Variants in MRPS17 observed in about 807,000 individuals in gnomAD.
MRPS17 encodes mitochondrial ribosomal protein S17.
Under a neutral mutation model 11.3 loss-of-function variants are expected in MRPS17, and 6 were observed. That is an observed-to-expected ratio of 0.53 (90% CI 0.29 to 1.05). The LOEUF (loss-of-function observed/expected upper bound fraction) is 1.05, where lower values mean the gene tolerates loss of function less well. Ranked by LOEUF, MRPS17 falls within the 50% of genes least tolerant of loss-of-function variation. The pLI is 0.08. For synonymous variants in MRPS17, 56 were observed against 60.4 expected, an observed-to-expected ratio of 0.93 and a Z score of 0.34; for missense variants, 139 against 153.6, an observed-to-expected ratio of 0.90 and a Z score of 0.50.
chr7:55,952,580 C>G (rs985199973), intron 1 of MRPS17, among the ~76,000 whole-genome samples: 18 of 151,296 alleles, frequency 1.2e-4, no homozygotes, highest in Non-Finnish European at 2.4e-4. Context: ...ACTAAAAATA[C>G]AAAAATTAGC....
At position 55,955,095 on chromosome 7, in the gene MRPS17, A is replaced by G. The variant is rs1417697497; in HGVS notation, c.310A>G (p.Thr104Ala). 9 of 1,614,090 alleles carry G rather than the reference A, an allele frequency of 5.6e-6. No individual in the cohort carries two copies. The highest frequency in any genetic ancestry group is 2.7e-5 in the African/African-American group (2 of 74,930). ...GACAGGAAAGCCCTGTGCTGGAACT[A>G]CCTACCTGGAGAGTCCGTTGAGTTC... ...PVTGKPCAGTTYLESPLSSET... is the reference protein window; with the variant it reads ...PVTGKPCAGTAYLESPLSSET... Residue 104 changes from threonine to alanine, a missense_variant, in exon 3 of 3, where the codon ACC (threonine) becomes GCC (alanine). By Grantham distance (58) the Thr-to-Ala change is moderately conservative (BLOSUM62 0). Transcript: ENST00000285298.
At chr7:55,953,345 G>A in intron 2 of MRPS17, 27 bp downstream of exon 2, 1 of 1,611,406 alleles carries the variant, frequency 6.2e-7, no homozygotes, top group Non-Finnish European at 8.5e-7. Flanking sequence ...TTTCCGGGTG[G>A]CTTTGGTAAA....
intron 1 of MRPS17, 85 bp from the exon 2 acceptor site, chr7:55,953,094 C>G: frequency 1.4e-6 from 2 of 1,448,276 alleles, no homozygotes; most frequent in Non-Finnish European, 1.9e-6. Flanking sequence ...AAAACTGTTT[C>G]TGGACTAACC....
At position 55,955,192 on chromosome 7, in the gene MRPS17, G is replaced by A. The variant is rs1786710060; in HGVS notation, c.*14G>A. ...TCAGCACAGTGAAGCGGGAGTGGAA[G>A]AAGGATCTAAAGGGAAAAACTGACA... On this transcript the variant is annotated 3_prime_UTR_variant, in exon 3 of 3. Transcript: ENST00000285298. The A allele has an allele frequency of 6.2e-7, 1 of 1,607,186 alleles. No homozygotes were observed. The highest frequency in any genetic ancestry group is 8.5e-7 in the Non-Finnish European group (1 of 1,175,674).
chr7:55,954,687 C>T (rs756227189), intron 2 of MRPS17, among the ~76,000 whole-genome samples: 6 of 152,126 alleles, frequency 3.9e-5, no homozygotes, highest in Non-Finnish European at 7.4e-5. Flanking sequence ...GAGCTGAGAT[C>T]GTGCCATTGC....
chr7:55,954,932 C>A lies in MRPS17; in HGVS notation c.147C>A (p.Tyr49Ter), dbSNP rs1273549493. ...AGTATTTTAATAAGCGGAAAACCTA[C>A]TTTGCTCACGATGCCCTTCAGCAGT... Reference protein sequence around the residue: ...LLKYFNKRKTYFAHDALQQCT... With the variant: ...LLKYFNKRKT Residue 49 changes from tyrosine to a stop codon, truncating the protein, a stop_gained, in exon 3 of 3, where the codon TAC becomes TAA. Coordinates refer to ENST00000285298, the MANE Select transcript of MRPS17 (RefSeq NM_015969.3). LOFTEE classifies it high-confidence loss of function. 2 of 1,613,968 alleles carry A rather than the reference C, an allele frequency of 1.2e-6. No individual in the cohort carries two copies. Among genetic ancestry groups the A allele is most frequent in the South Asian group, 2.2e-5 (2 of 91,056 alleles).
Position 55,955,172 on chromosome 7 carries a change from A to G in MRPS17, c.387A>G (p.Ala129=). Residue 129 remains alanine, a synonymous_variant, in exon 3 of 3, where the codon GCA becomes GCG. Coordinates refer to ENST00000285298, the MANE Select transcript of MRPS17 (RefSeq NM_015969.3). ...KNLEELNISS[A]Q is the part of the protein sequence containing the mutation. ...TGGAAGAACTCAATATCTCTTCAGCACAGTGAAGCGGGAGTGGAAGAAGGA... is the reference window on the plus strand; with the variant it reads ...TGGAAGAACTCAATATCTCTTCAGCGCAGTGAAGCGGGAGTGGAAGAAGGA... 6.2e-7 allele frequency: 1 copy of G among 1,612,722 alleles called. No individual in the cohort carries two copies. The highest frequency in any genetic ancestry group is 2.2e-5 in the East Asian group (1 of 44,842).
intron 1 of MRPS17, 29 bp from the exon 2 acceptor site, chr7:55,953,150 A>G: frequency 3.7e-6 from 6 of 1,612,580 alleles, no homozygotes; most frequent in Non-Finnish European, 5.1e-6. Context: ...TAACCACCAG[A>G]ATATGAGACT....
chr7:55,952,573 A>G (rs1474933109), intron 1 of MRPS17, among the ~76,000 whole-genome samples: 1 of 151,822 alleles, frequency 6.6e-6, no homozygotes, highest in Non-Finnish European at 1.5e-5. Context: ...TGTCTTTACT[A>G]AAAATACAAA....
intron 2 of MRPS17, among the ~76,000 whole-genome samples, chr7:55,953,686 G>A (rs952023057): frequency 6.6e-6 from 1 of 152,192 alleles, no homozygotes; most frequent in Non-Finnish European, 1.5e-5. Flanking sequence ...GCTGGGCATA[G>A]TGGTGCGCAC....
At chr7:55,952,987 G>A (rs1367532102) in intron 1 of MRPS17, among the ~76,000 whole-genome samples, 192 bp from the exon 2 acceptor site, 1 of 151,956 alleles carries the variant, frequency 6.6e-6, no homozygotes, top group Non-Finnish European at 1.5e-5. Flanking sequence ...AGCCAAGATC[G>A]CACCACCGCA....
At position 55,953,338 on chromosome 7, in the gene MRPS17, C is replaced by A. The variant is rs775859671; in HGVS notation, c.123+20C>A. On this transcript the variant is annotated intron_variant, in intron 2 of 2. Transcript: ENST00000285298. ...TTAAAGGTGAGAAACATTCTTGTTT[C>A]CGGGTGGCTTTGGTAAATCACCACC... 2.7e-5 allele frequency: 43 copies of A among 1,611,792 alleles called. No individual in the cohort carries two copies. Among genetic ancestry groups the A allele is most frequent in the Non-Finnish European group, 3.5e-5 (41 of 1,179,512 alleles).
chr7:55,954,544 AT>A (rs1185133553), intron 2 of MRPS17, among the ~76,000 whole-genome samples: 3 of 152,188 alleles, frequency 2.0e-5, no homozygotes, highest in African/African-American at 7.2e-5. Context: ...CCTGGCCAAC[AT>A]GGTGAAACCC....
In MRPS17 at chr7:55,955,268, T is replaced by A; in HGVS notation, c.*90T>A. On this transcript the variant is annotated 3_prime_UTR_variant, in exon 3 of 3. Transcript: ENST00000285298. ...TTTCTAAGTTTCATCACAAACTGTG[T>A]CCAGTTTCTCTGTGGTGTTTATGAA... 6.8e-7 allele frequency: 1 copy of A among 1,463,876 alleles called. No homozygotes were observed. The highest frequency in any genetic ancestry group is 9.2e-7 in the Non-Finnish European group (1 of 1,084,628). 90.7% of individuals were successfully genotyped at this position (1,463,876 alleles called of 1,614,324 possible).
At chr7:55,954,793 T>A (rs777807528) in intron 2 of MRPS17, 116 bp from the exon 3 acceptor site, 24 of 1,272,070 alleles carry the variant, frequency 1.9e-5, no homozygotes, top group Non-Finnish European at 2.6e-5. Flanking sequence ...CTCCTTAGTA[T>A]CTTATCTTTT....
In MRPS17 at chr7:55,954,945, G is replaced by A. The variant is rs775841041; in HGVS notation, c.160G>A (p.Ala54Thr). Residue 54 changes from alanine to threonine, a missense_variant, in exon 3 of 3, where the codon GCC becomes ACC. By Grantham distance (58) the Ala-to-Thr change is moderately conservative. Transcript: ENST00000285298. ...NKRKTYFAHD[A>T]LQQCTVGDIV... is the part of the protein sequence containing the mutation. ...GCGGAAAACCTACTTTGCTCACGAT[G>A]CCCTTCAGCAGTGCACAGTTGGGGA... The A allele has an allele frequency of 3.1e-6, 5 of 1,614,086 alleles. No homozygotes were observed. The South Asian group carries it at 5.5e-5, about 18-fold the overall frequency.
intron 1 of MRPS17, among the ~76,000 whole-genome samples, chr7:55,952,443 G>C (rs1407249592): frequency 6.6e-6 from 1 of 152,192 alleles, no homozygotes; most frequent in African/African-American, 2.4e-5. Context: ...CTCTGAAATG[G>C]TGATTCAAGC....
chr7:55,954,941 C>G lies in MRPS17; in HGVS notation c.156C>G (p.His52Gln). The G allele has an allele frequency of 1.2e-6, 2 of 1,614,084 alleles. No homozygotes were observed. Among genetic ancestry groups the G allele is most frequent in the Non-Finnish European group, 1.7e-6 (2 of 1,179,978 alleles). ...YFNKRKTYFA[H>Q]DALQQCTVGD... is the part of the protein sequence containing the mutation. ...ATAAGCGGAAAACCTACTTTGCTCA[C>G]GATGCCCTTCAGCAGTGCACAGTTG... The change falls in exon 3 of 3, where the codon CAC (histidine) becomes CAG (glutamine). Residue 52 changes from histidine (H) to glutamine (Q), a missense_variant. His to Gln is a conservative substitution (Grantham distance 24). Coordinates refer to ENST00000285298, the MANE Select transcript of MRPS17 (RefSeq NM_015969.3).
At chr7:55,953,039 A>C in intron 1 of MRPS17, 140 bp from the exon 2 acceptor site, 7 of 1,012,358 alleles carry the variant, frequency 6.9e-6, no homozygotes, top group Non-Finnish European at 1.0e-5. Context: ...CTAAAAAAAA[A>C]CAAAACAAAA....
Sources: allele counts gnomAD v4.1 joint callset (sites outside exome capture counted in the v4.1 genomes callset), GRCh38; gene constraint gnomAD v4.1.1; transcripts MANE v1.5; gene names NCBI Gene and HGNC (gene_info 2026-07-23, HGNC 2026-07-21).